ARPP21: variants seen among roughly 807,000 people sequenced by gnomAD.
ARPP21 encodes the protein cAMP regulated phosphoprotein 21.
Under a neutral mutation model 113.2 loss-of-function variants are expected in ARPP21, and 69 were observed. The observed-to-expected ratio is 0.61, with a 90% CI of 0.50 to 0.74. ARPP21 has a LOEUF of 0.74. ARPP21 is among the 30% of genes least tolerant of loss of function. ARPP21 has a pLI of 0.00. For missense variants in ARPP21, 1,070 were observed against 1,037.4 expected, an observed-to-expected ratio of 1.03 and a Z score of -0.43; for synonymous variants, 368 against 375.5, an observed-to-expected ratio of 0.98 and a Z score of 0.23.
At chr3:35,764,431 T>G (rs1235893599) in intron 19 of ARPP21, among the ~76,000 whole-genome samples, 2 of 152,136 alleles carry the variant, frequency 1.3e-5, no homozygotes, top group African/African-American at 4.8e-5. Context: ...TTTTATGAGG[T>G]TTTTTTCCTC....
At chr3:35,787,456 A>G (rs1012539396) in intron 19 of ARPP21, among the ~76,000 whole-genome samples, 1 of 152,222 alleles carries the variant, frequency 6.6e-6, no homozygotes, top group African/African-American at 2.4e-5. Flanking sequence ...ATTAAAAGCT[A>G]TAGTATCACT....
chr3:35,743,381 T>C (rs903690277), intron 18 of ARPP21, among the ~76,000 whole-genome samples: 2 of 152,228 alleles, frequency 1.3e-5, no homozygotes, highest in Non-Finnish European at 2.9e-5. Context: ...CACAGATGGC[T>C]CATCTCTGCT....
At chr3:35,700,411 A>G (rs2085904844) in intron 9 of ARPP21, among the ~76,000 whole-genome samples, 1 of 151,698 alleles carries the variant, frequency 6.6e-6, no homozygotes, top group Admixed American at 6.6e-5. Context: ...ATTAAAATGC[A>G]ATGGTTGTTT....
intron 19 of ARPP21, among the ~76,000 whole-genome samples, chr3:35,766,688 G>GTAAGCAGT (rs1248023083): frequency 3.9e-5 from 6 of 152,126 alleles, no homozygotes; most frequent in Non-Finnish European, 5.9e-5. Flanking sequence ...AGCTGCCACT[G>GTAAGCAGT]TAAGCAGTTT....
chr3:35,658,121 T>C (rs1705864974), intron 1 of ARPP21, among the ~76,000 whole-genome samples: 1 of 152,066 alleles, frequency 6.6e-6, no homozygotes, highest in South Asian at 2.1e-4. Context: ...TCAGTACCCA[T>C]GATTATATAG....
chr3:35,738,202 TCTTTC>T lies in ARPP21; in HGVS notation c.1645-9_1645-5del, dbSNP rs1032493353. On this transcript the variant is annotated splice_region_variant and splice_polypyrimidine_tract_variant and intron_variant, in intron 16 of 20. Transcript: ENST00000684406. Reference sequence around the variant, plus strand: ...CTTTTCTGTCAGCTGATCAATTTTTTCTTTCCTCCAGTCTGTCCAGGGGCTGCAGG... The same window carrying T: ...CTTTTCTGTCAGCTGATCAATTTTTTCTCCAGTCTGTCCAGGGGCTGCAGG... 6.6e-7 allele frequency: 1 copy of T among 1,507,114 alleles called. No homozygotes were observed. The allele number at this position is 1,507,114 out of a possible 1,614,324, so 93.4% of individuals were successfully genotyped here. A position where few individuals can be genotyped will look rare whatever the true frequency, so the allele number is the denominator to read the frequency against.
intron 19 of ARPP21, among the ~76,000 whole-genome samples, chr3:35,752,548 A>T (rs1015793303): frequency 3.3e-4 from 50 of 152,054 alleles, no homozygotes; most frequent in African/African-American, 1.2e-3. Context: ...ACATCTTGCA[A>T]ATGCTATCCC....
chr3:35,695,389 G>A (rs965482), intron 9 of ARPP21, among the ~76,000 whole-genome samples: 100,625 of 151,300 alleles, frequency 0.67, 33,755 homozygotes, highest in East Asian at 0.87. Flanking sequence ...AACAGACTTC[G>A]GTGGCGGTGG....
intron 5 of ARPP21, chr3:35,685,224 C>T (rs2080199158): frequency 5.1e-6 from 5 of 985,296 alleles, no homozygotes; most frequent in Non-Finnish European, 6.0e-6. Flanking sequence ...TCACAGTGCC[C>T]ACTCTGGACC....
intron 15 of ARPP21, among the ~76,000 whole-genome samples, chr3:35,730,191 T>C (rs561078701): frequency 7.2e-5 from 11 of 152,370 alleles, no homozygotes; most frequent in Admixed American, 7.2e-4. Context: ...CCATTGGTTC[T>C]TTAATTTTGC....
chr3:35,752,557 C>T (rs2095437186), intron 19 of ARPP21, among the ~76,000 whole-genome samples: 1 of 151,988 alleles, frequency 6.6e-6, no homozygotes, highest in African/African-American at 2.4e-5. Flanking sequence ...AAATGCTATC[C>T]CCAAGCCCTC....
In ARPP21 at chr3:35,721,673, G is replaced by A; in HGVS notation, c.1064G>A (p.Trp355Ter). 1 of 1,613,874 alleles carries A rather than the reference G, an allele frequency of 6.2e-7. No individual in the cohort carries two copies. Among genetic ancestry groups the A allele is most frequent in the Non-Finnish European group, 8.5e-7 (1 of 1,179,914 alleles). ...RQSSSENELKWSDHQRAWSST... is the reference protein window; with the variant it reads ...RQSSSENELK The stretch of plus-strand genomic sequence containing the variant: ...AGCAGCTCAGAAAATGAACTCAAGT[G>A]GTCTGACCACCAAAGGGCCTGGAGC... Residue 355 changes from tryptophan to a stop codon, truncating the protein, a stop_gained, in exon 14 of 21, where the codon TGG becomes TAG. Transcript: ENST00000684406. LOFTEE classifies it high-confidence loss of function.
chr3:35,644,326 A>G (rs1250876695), intron 1 of ARPP21, among the ~76,000 whole-genome samples: 1 of 151,914 alleles, frequency 6.6e-6, no homozygotes. Flanking sequence ...CTAGATATTG[A>G]AGTACATGTT....
chr3:35,706,851 T>A, intron 9 of ARPP21, 123 bp from the exon 10 acceptor site: 2 of 653,718 alleles, frequency 3.1e-6, no homozygotes, highest in South Asian at 4.4e-5. Context: ...CCAGCAACTC[T>A]AGTATGAAAA....
chr3:35,778,228 G>A (rs1421654313), intron 19 of ARPP21, among the ~76,000 whole-genome samples: 1 of 152,170 alleles, frequency 6.6e-6, no homozygotes, highest in Admixed American at 6.5e-5. Flanking sequence ...TGAAGGGAAG[G>A]GGAGTGCTGG....
intron 15 of ARPP21, among the ~76,000 whole-genome samples, chr3:35,735,210 T>A (rs922279596): frequency 6.6e-6 from 1 of 152,164 alleles, no homozygotes; most frequent in Non-Finnish European, 1.5e-5. Context: ...ACCTCTCTCC[T>A]GGGATCCAGT....
chr3:35,683,148 A>C (rs1409720018), intron 4 of ARPP21, among the ~76,000 whole-genome samples: 2 of 151,706 alleles, frequency 1.3e-5, no homozygotes, highest in African/African-American at 4.8e-5. Context: ...GTTCACACTT[A>C]AGAGATTTGA....
At chr3:35,651,102 G>T (rs1404498186) in intron 1 of ARPP21, among the ~76,000 whole-genome samples, 1 of 152,074 alleles carries the variant, frequency 6.6e-6, no homozygotes, top group Non-Finnish European at 1.5e-5. Context: ...TGTGATCAGA[G>T]GAAGATGAAA....
At chr3:35,676,889 G>T (rs767459758) in intron 1 of ARPP21, among the ~76,000 whole-genome samples, 2 of 151,784 alleles carry the variant, frequency 1.3e-5, no homozygotes, top group East Asian at 3.9e-4. Flanking sequence ...GGCTTATATA[G>T]TATTGCAATA....
Sources: allele counts gnomAD v4.1 joint callset (sites outside exome capture counted in the v4.1 genomes callset), GRCh38; gene constraint gnomAD v4.1.1; transcripts MANE v1.5; gene names NCBI Gene and HGNC (gene_info 2026-07-23, HGNC 2026-07-21).